The following SYT2 variants were observed in gnomAD, a reference collection of about 807,000 sequenced individuals.
SYT2 encodes the protein synaptotagmin-2.
SYT2 carries 15 observed loss-of-function variants against 39.9 expected under a neutral mutation model. The ratio of observed to expected loss-of-function variants is 0.38; its 90% CI spans 0.25 to 0.58. The LOEUF is 0.58. Ranked by LOEUF, SYT2 falls within the 20% of genes least tolerant of loss-of-function variation. The pLI is 0.70. For missense variants in SYT2, 389 were observed against 530.3 expected (o/e 0.73, Z 2.62); for synonymous variants, 181 against 204.5 (o/e 0.89, Z 0.98).
chr1:202,673,404 C>T (rs532665954), intron 1 of SYT2, among the ~76,000 whole-genome samples: 1 of 152,324 alleles, frequency 6.6e-6, no homozygotes, highest in African/African-American at 2.4e-5. Flanking sequence ...CAGTAATTCA[C>T]ATCTAAATCA....
At chr1:202,600,317 G>A (rs201527461) in intron 7 of SYT2, 40 bp downstream of exon 7, 3 of 1,549,858 alleles carry the variant, frequency 1.9e-6, no homozygotes, top group East Asian at 2.2e-5. Context: ...TGACTGGCTC[G>A]CTGGTGCCAC....
chr1:202,696,863 A>G (rs1191880113), intron 1 of SYT2, among the ~76,000 whole-genome samples: 1 of 152,232 alleles, frequency 6.6e-6, no homozygotes, highest in Non-Finnish European at 1.5e-5. Context: ...GGATCAGGTG[A>G]GCTCTTCGCA....
chr1:202,658,409 C>T (rs896905553), intron 1 of SYT2, among the ~76,000 whole-genome samples: 5 of 152,104 alleles, frequency 3.3e-5, no homozygotes, highest in South Asian at 2.1e-4. Flanking sequence ...CCCCTCCCTG[C>T]GTCAGAAATC....
In SYT2 at chr1:202,600,428, G is replaced by A. The variant is rs199542449; in HGVS notation, c.848C>T (p.Thr283Met). 8 of 1,614,096 alleles carry A rather than the reference G, an allele frequency of 5.0e-6. No individual in the cohort carries two copies. Among genetic ancestry groups the A allele is most frequent in the Admixed American group, 1.7e-5 (1 of 60,006 alleles). ...DICTSLRYVP[T>M]AGKLTVCILE... ...GATGCAGACAGTGAGCTTCCCGGCC[G>A]TGGGCACATAGCGCAGGGAGGTGCA... Residue 283 changes from threonine (T) to methionine (M), a missense_variant, in exon 7 of 9, where the codon ACG becomes ATG. Thr to Met is a moderately conservative substitution (Grantham distance 81). Coordinates refer to ENST00000367268, the MANE Select transcript of SYT2 (RefSeq NM_177402.5).
chr1:202,692,013 A>C (rs1653849521), intron 1 of SYT2, among the ~76,000 whole-genome samples: 1 of 152,036 alleles, frequency 6.6e-6, no homozygotes, highest in African/African-American at 2.4e-5. Flanking sequence ...GAGAGCTGCC[A>C]GTCTCTGCCC....
chr1:202,636,786 T>C (rs1314284835), intron 1 of SYT2, among the ~76,000 whole-genome samples: 2 of 152,244 alleles, frequency 1.3e-5, no homozygotes, highest in Non-Finnish European at 2.9e-5. Flanking sequence ...TATATGTAAA[T>C]AGTCATACAT....
At chr1:202,611,816 G>C (rs934264535) in intron 1 of SYT2, among the ~76,000 whole-genome samples, 3 of 152,034 alleles carry the variant, frequency 2.0e-5, no homozygotes, top group African/African-American at 7.2e-5. Context: ...TTTTCTTATG[G>C]GAGTTGCATA....
Position 202,596,840 on chromosome 1 carries a change from C to T in SYT2, c.1177G>A (p.Ala393Thr). ...TELRHWSDML[A>T]NPRRPIAQWH... ...TGGGCGATGGGCCTCCGGGGGTTGGCCAGCATGTCGGACCAGTGCCGCAGC... is the reference window on the plus strand; with the variant it reads ...TGGGCGATGGGCCTCCGGGGGTTGGTCAGCATGTCGGACCAGTGCCGCAGC... The change falls in exon 9 of 9, where the codon GCC becomes ACC. Residue 393 changes from alanine (A) to threonine (T), a missense_variant. By Grantham distance (58) the Ala-to-Thr change is moderately conservative. Coordinates refer to ENST00000367268, the MANE Select transcript of SYT2 (RefSeq NM_177402.5). The T allele has an allele frequency of 6.2e-7, 1 of 1,614,144 alleles. No individual in the cohort carries two copies. Among genetic ancestry groups the T allele is most frequent in the South Asian group, 1.1e-5 (1 of 91,092 alleles).
intron 1 of SYT2, among the ~76,000 whole-genome samples, chr1:202,682,484 G>C (rs1653551619): frequency 6.6e-6 from 1 of 152,160 alleles, no homozygotes; most frequent in Non-Finnish European, 1.5e-5. Flanking sequence ...AGATGACCAT[G>C]GTCTAAGTTA....
At chr1:202,677,338 C>G (rs555358406) in intron 1 of SYT2, among the ~76,000 whole-genome samples, 1 of 152,224 alleles carries the variant, frequency 6.6e-6, no homozygotes, top group Admixed American at 6.5e-5. Flanking sequence ...ACTGCTTTGA[C>G]CAGTAAATTA....
At chr1:202,633,929 C>T (rs958615065) in intron 1 of SYT2, among the ~76,000 whole-genome samples, 1 of 152,184 alleles carries the variant, frequency 6.6e-6, no homozygotes, top group Non-Finnish European at 1.5e-5. Flanking sequence ...TTCTTGGGCA[C>T]CTACTACAGT....
Position 202,702,160 on chromosome 1 carries a change from C to G in SYT2, c.-18+8098G>C, listed in dbSNP as rs1405768639. Among the ~76,000 whole-genome samples, 3 of 152,206 alleles carry G rather than the reference C, an allele frequency of 2.0e-5. No individual in the cohort carries two copies. The East Asian group carries it at 5.8e-4, about 29-fold the overall frequency. ...TCTGCCCCAGGGCACCCCTGCCACCCTCTACCAGTAGGAGACCTAATGGGG... is the reference window on the plus strand; with the variant it reads ...TCTGCCCCAGGGCACCCCTGCCACCGTCTACCAGTAGGAGACCTAATGGGG... On this transcript the variant is annotated intron_variant, in intron 1 of 8. Transcript: ENST00000367268.
chr1:202,705,021 T>A (rs1192013825), intron 1 of SYT2, among the ~76,000 whole-genome samples: 1 of 152,258 alleles, frequency 6.6e-6, no homozygotes, highest in Non-Finnish European at 1.5e-5. Flanking sequence ...GCCTCCTGCT[T>A]CTACTCAACG....
intron 1 of SYT2, among the ~76,000 whole-genome samples, chr1:202,672,212 G>A (rs10920452): frequency 0.54 from 81,803 of 152,206 alleles, 24,225 homozygotes; most frequent in East Asian, 0.79. Flanking sequence ...GACAAATGCA[G>A]TGCTATGGAC....
At chr1:202,612,283 T>A (rs1690902542) in intron 1 of SYT2, among the ~76,000 whole-genome samples, 1 of 152,248 alleles carries the variant, frequency 6.6e-6, no homozygotes, top group African/African-American at 2.4e-5. Flanking sequence ...CTGATTTTTT[T>A]TTTTAATAGC....
intron 1 of SYT2, among the ~76,000 whole-genome samples, chr1:202,610,467 G>A (rs1212528259): frequency 6.6e-6 from 1 of 152,182 alleles, no homozygotes; most frequent in Non-Finnish European, 1.5e-5. Context: ...TGGAAGTTCT[G>A]GCCAGGGCAA....
intron 1 of SYT2, among the ~76,000 whole-genome samples, chr1:202,685,844 A>T (rs916344859): frequency 6.6e-6 from 1 of 152,090 alleles, no homozygotes; most frequent in Non-Finnish European, 1.5e-5. Flanking sequence ...CATTGCTAGA[A>T]GGCATGTTTC....
At chr1:202,674,441 G>A (rs1168138278) in intron 1 of SYT2, among the ~76,000 whole-genome samples, 1 of 152,122 alleles carries the variant, frequency 6.6e-6, no homozygotes, top group East Asian at 1.9e-4. Context: ...GTGTTAGCAT[G>A]GTCCATCTGA....
Position 202,670,343 on chromosome 1 carries a change from C to G in SYT2, c.-18+39915G>C, listed in dbSNP as rs377500049. ...CAGGATCATAGAGAAGTGGGAGCATCGGGCACTCAACCCTTTAACCCCTGC... is the reference window on the plus strand; with the variant it reads ...CAGGATCATAGAGAAGTGGGAGCATGGGGCACTCAACCCTTTAACCCCTGC... On this transcript the variant is annotated intron_variant, in intron 1 of 8. Transcript: ENST00000367268. 1.2e-4 allele frequency among the ~76,000 whole-genome samples: 19 copies of G among 152,244 alleles called. 1 individual carries two copies. Among genetic ancestry groups the G allele is most frequent in the Admixed American group, 7.8e-4 (12 of 15,296 alleles).
Sources: gnomAD v4.1 joint callset for allele counts (sites outside exome capture counted in the v4.1 genomes callset) on GRCh38, gnomAD v4.1.1 for gene constraint, MANE v1.5 for transcripts, NCBI Gene and HGNC (gene_info 2026-07-23, HGNC 2026-07-21) for gene names.